Variants in TLN2 observed in about 807,000 individuals in gnomAD.
TLN2 encodes the protein talin-2.
In TLN2, 118 loss-of-function variants were observed where a neutral mutation model predicts 294.7. That is an observed-to-expected ratio of 0.40 (90% CI 0.34 to 0.47). The LOEUF (loss-of-function observed/expected upper bound fraction) is 0.47, where lower values mean the gene tolerates loss of function less well. Among genes scored for constraint, TLN2 ranks in the 20% least tolerant of loss-of-function variants. The pLI is 0.84. For missense variants in TLN2, 3,083 were observed against 3,282.2 expected, an observed-to-expected ratio of 0.94 and a Z score of 1.48; for synonymous variants, 1,431 against 1,304.5, an observed-to-expected ratio of 1.10 and a Z score of -2.09.
intron 1 of TLN2, among the ~76,000 whole-genome samples, chr15:62,584,825 A>G (rs959157335): frequency 1.3e-5 from 2 of 152,220 alleles, no homozygotes; most frequent in Non-Finnish European, 2.9e-5. Flanking sequence ...TTGAATAATT[A>G]GTAGTAAATG....
chr15:62,508,470 C>T (rs943958184), intron 1 of TLN2, among the ~76,000 whole-genome samples: 11 of 152,328 alleles, frequency 7.2e-5, no homozygotes, highest in Admixed American at 2.0e-4. Context: ...CCGCCTCGGC[C>T]TCCCAAAGTG....
intron 1 of TLN2, among the ~76,000 whole-genome samples, chr15:62,447,768 G>A (rs1427449215): frequency 1.3e-5 from 2 of 152,060 alleles, no homozygotes; most frequent in African/African-American, 4.8e-5. Flanking sequence ...GCTAGGATTA[G>A]CCCGGCCCAG....
chr15:62,396,420 C>G (rs1303213705), intron 1 of TLN2, among the ~76,000 whole-genome samples: 1 of 152,294 alleles, frequency 6.6e-6, no homozygotes, highest in South Asian at 2.1e-4. Flanking sequence ...TCATTGTAAT[C>G]TCTTATCTCT....
At chr15:62,815,766 C>T (rs1328459049) in intron 52 of TLN2, among the ~76,000 whole-genome samples, 2 of 152,144 alleles carry the variant, frequency 1.3e-5, no homozygotes, top group African/African-American at 4.8e-5. Context: ...CATCCATGTA[C>T]CCATCATCTA....
chr15:62,757,898 T>G (rs1468443400), intron 37 of TLN2, among the ~76,000 whole-genome samples: 3 of 152,194 alleles, frequency 2.0e-5, no homozygotes, highest in African/African-American at 7.2e-5. Context: ...GCTTTTAATT[T>G]ACTAACAGGA....
At chr15:62,696,655 C>T (rs560632138) in intron 14 of TLN2, among the ~76,000 whole-genome samples, 9 of 152,262 alleles carry the variant, frequency 5.9e-5, no homozygotes, top group African/African-American at 1.2e-4. Flanking sequence ...TTGCAGTGAG[C>T]CGAGATCACG....
chr15:62,625,574 C>CCAG (rs1252627422), intron 3 of TLN2, among the ~76,000 whole-genome samples: 1 of 152,098 alleles, frequency 6.6e-6, no homozygotes, highest in Non-Finnish European at 1.5e-5. Context: ...CAAGAGGAAG[C>CCAG]CAGCAGCAGC....
chr15:62,478,630 C>T (rs1158592149), intron 1 of TLN2, among the ~76,000 whole-genome samples: 1 of 152,152 alleles, frequency 6.6e-6, no homozygotes, highest in Non-Finnish European at 1.5e-5. Context: ...GTGCCAAGAC[C>T]TAGTCCTCGA....
chr15:62,790,780 ACAT>A (rs2065017363), intron 45 of TLN2, among the ~76,000 whole-genome samples: 1 of 152,238 alleles, frequency 6.6e-6, no homozygotes, highest in African/African-American at 2.4e-5. Context: ...AAACCAACAA[ACAT>A]GTCCCGCAAA....
intron 9 of TLN2, among the ~76,000 whole-genome samples, chr15:62,669,508 C>T (rs1307120191): frequency 3.3e-5 from 5 of 152,280 alleles, no homozygotes; most frequent in South Asian, 4.1e-4. Flanking sequence ...TAGGGTTTGG[C>T]GGAGAAGTGA....
chr15:62,784,236 G>C, intron 45 of TLN2: 1 of 389,434 alleles, frequency 2.6e-6, no homozygotes, highest in Admixed American at 4.3e-5. Context: ...TCCTACTCCA[G>C]TTAGCACATC....
intron 1 of TLN2, among the ~76,000 whole-genome samples, chr15:62,554,839 A>C (rs2042520089): frequency 6.6e-6 from 1 of 152,116 alleles, no homozygotes; most frequent in South Asian, 2.1e-4. Context: ...CTCTGTCCCA[A>C]ATTCAGCACT....
intron 54 of TLN2, among the ~76,000 whole-genome samples, chr15:62,824,850 A>G (rs1187598738): frequency 6.6e-6 from 1 of 152,226 alleles, no homozygotes; most frequent in African/African-American, 2.4e-5. Context: ...AGTTCTCTCA[A>G]CAAACAAAAT....
chr15:62,782,775 C>G (rs1324815296), intron 44 of TLN2, among the ~76,000 whole-genome samples: 1 of 152,172 alleles, frequency 6.6e-6, no homozygotes, highest in African/African-American at 2.4e-5. Context: ...GGTGGACATT[C>G]CTGTCCTGCC....
chr15:62,526,363 A>G (rs1271352345), intron 1 of TLN2, among the ~76,000 whole-genome samples: 11 of 152,086 alleles, frequency 7.2e-5, no homozygotes, highest in Non-Finnish European at 4.4e-5. Context: ...TTCCTTTCTA[A>G]TGGTAATTAA....
At chr15:62,431,828 C>G (rs1483838917) in intron 1 of TLN2, among the ~76,000 whole-genome samples, 2 of 152,186 alleles carry the variant, frequency 1.3e-5, no homozygotes, top group Non-Finnish European at 2.9e-5. Context: ...AATTCTATGC[C>G]TCTGTGCAGC....
chr15:62,693,955 C>CTTTTTTTTTTT (rs71131123), intron 13 of TLN2, among the ~76,000 whole-genome samples: 1 of 94,228 alleles, frequency 1.1e-5, no homozygotes, highest in African/African-American at 4.0e-5. Context: ...GATTTTCTTT[C>CTTTTTTTTTTT]TTTTTTTTTT....
intron 1 of TLN2, among the ~76,000 whole-genome samples, chr15:62,460,515 G>T (rs76466200): frequency 6.6e-6 from 1 of 151,966 alleles, no homozygotes. Context: ...CACCCGCCTC[G>T]GCCTCCCAAA....
chr15:62,774,060 A>G (rs951797153), intron 42 of TLN2, among the ~76,000 whole-genome samples: 1 of 151,786 alleles, frequency 6.6e-6, no homozygotes, highest in African/African-American at 2.4e-5. Flanking sequence ...ATGGGCCACC[A>G]CAGATTCTGC....
Sources: gnomAD v4.1 joint callset for allele counts (sites outside exome capture counted in the v4.1 genomes callset) on GRCh38, gnomAD v4.1.1 for gene constraint, MANE v1.5 for transcripts, NCBI Gene and HGNC (gene_info 2026-07-23, HGNC 2026-07-21) for gene names.